MGAM: variants seen among roughly 807,000 people sequenced by gnomAD.
MGAM encodes the protein maltase-glucoamylase.
A neutral mutation model predicts 358.8 loss-of-function variants in MGAM; 253 were observed. The observed-to-expected ratio is 0.71, with a 90% confidence interval of 0.64 to 0.78. The LOEUF is 0.78. MGAM is among the 30% of genes least tolerant of loss of function. The pLI is 0.00. For synonymous variants in MGAM, 1,105 were observed against 1,227.1 expected, an observed-to-expected ratio of 0.90 and a Z score of 2.08; for missense variants, 3,080 against 3,432.6, an observed-to-expected ratio of 0.90 and a Z score of 2.57.
Position 142,060,324 on chromosome 7 carries a change from T to G in MGAM, c.4073T>G (p.Phe1358Cys). The G allele has an allele frequency of 6.2e-7, 1 of 1,614,064 alleles. No individual in the cohort carries two copies. Among genetic ancestry groups the G allele is most frequent in the Non-Finnish European group, 8.5e-7 (1 of 1,179,874 alleles). ...DIVWGKVWPDFPDVVVNGSLD... is the reference protein window; with the variant it reads ...DIVWGKVWPDCPDVVVNGSLD... The stretch of plus-strand genomic sequence containing the variant: ...TTCTCTCCATAGGTCTGGCCTGATT[T>G]TCCTGATGTTGTTGTGAATGGGTCT... Residue 1358 changes from phenylalanine to cysteine, a missense_variant, in exon 34 of 71, where the codon TTT becomes TGT. This residue lies in a region of MGAM where 1,816 missense variants were observed against 1,840.5 expected (regional missense o/e 0.99). Coordinates refer to ENST00000475668, the MANE Select transcript of MGAM (RefSeq NM_001365693.1).
In MGAM at chr7:142,081,977, G is replaced by A; in HGVS notation, c.6003-65G>A. The A allele has an allele frequency of 1.4e-6, 2 of 1,467,692 alleles. 1 individual carries two copies. The highest frequency in any genetic ancestry group is 1.9e-6 in the Non-Finnish European group (2 of 1,057,204). 90.9% of individuals were successfully genotyped at this position (1,467,692 alleles called of 1,614,324 possible). A position where few individuals can be genotyped will look rare whatever the true frequency, so the allele number is the denominator to read the frequency against. ...TCAAGTGTTCTGTTGTCCTTGAAAA[G>A]TCAGCTGCTGGAAGCAGAGAGAAAA... On this transcript the variant is annotated intron_variant, in intron 50 of 70. Transcript: ENST00000475668.
intron 34 of MGAM, 46 bp downstream of exon 34, chr7:142,060,419 A>C: frequency 6.3e-7 from 1 of 1,597,420 alleles, no homozygotes; most frequent in African/African-American, 1.3e-5. Context: ...GTTTGTAGGC[A>C]GGGGCAGCTG....
chr7:142,100,924 G>A, intron 68 of MGAM, 34 bp downstream of exon 68: 1 of 1,572,744 alleles, frequency 6.4e-7, no homozygotes, highest in Non-Finnish European at 8.7e-7. Flanking sequence ...CATGCTGATG[G>A]CACTGACTAC....
intron 57 of MGAM, among the ~76,000 whole-genome samples, 180 bp from the exon 58 acceptor site, chr7:142,091,733 G>A (rs896191331): frequency 6.8e-6 from 1 of 146,176 alleles, no homozygotes; most frequent in Non-Finnish European, 1.5e-5. Flanking sequence ...TGTGCAAATT[G>A]CACTAATTTC....
rs2129043727 is a variant in MGAM, at chr7:142,065,452, G to A, written c.4602G>A (p.Leu1534=). The change falls in exon 38 of 71, where the codon CTG becomes CTA. Residue 1534 remains leucine, a synonymous_variant. Coordinates refer to ENST00000475668, the MANE Select transcript of MGAM (RefSeq NM_001365693.1). ...ACAACACGGCCGCATGGGATCAGCT[G>A]AAGAAGTCTATCATTGGTGCGTGGG... The part of the protein sequence containing the change: ...LGDNTAAWDQ[L]KKSIIGMMEF... The A allele has an allele frequency of 6.2e-7, 1 of 1,611,140 alleles. No individual in the cohort carries two copies. The highest frequency in any genetic ancestry group is 8.5e-7 in the Non-Finnish European group (1 of 1,178,644).
chr7:142,097,379 G>C (rs745413167), intron 65 of MGAM, among the ~76,000 whole-genome samples: 28 of 151,882 alleles, frequency 1.8e-4, no homozygotes, highest in Non-Finnish European at 3.5e-4. Context: ...GGGTACCAAA[G>C]TGCTTTATGA....
In MGAM at chr7:142,078,240, A is replaced by G. The variant is rs1243160329; in HGVS notation, c.5494-78A>G. 7 of 1,135,728 alleles carry G rather than the reference A, an allele frequency of 6.2e-6. 1 individual carries two copies. The highest frequency in any genetic ancestry group is 7.2e-6 in the Non-Finnish European group (6 of 833,132). The allele number at this position is 1,135,728 out of a possible 1,614,324, so 70.4% of individuals were successfully genotyped here. ...ATGTCTATTTGTTTTTCCAAAATAA[A>G]TAAATAAATAAAGTCTTAGATTTTG... On this transcript the variant is annotated intron_variant, in intron 47 of 70. Transcript: ENST00000475668.
At chr7:142,028,209 T>A (rs923327734) in intron 10 of MGAM, among the ~76,000 whole-genome samples, 7 of 152,182 alleles carry the variant, frequency 4.6e-5, no homozygotes, top group Non-Finnish European at 1.0e-4. Flanking sequence ...AAAAGTTGTA[T>A]CATATTTTCA....
chr7:142,083,155 T>G (rs1814468461), intron 52 of MGAM, 146 bp from the exon 53 acceptor site: 1 of 623,552 alleles, frequency 1.6e-6, no homozygotes, highest in Non-Finnish European at 2.6e-6. Flanking sequence ...CTGAACTTCT[T>G]CAGTTCTATG....
intron 54 of MGAM, among the ~76,000 whole-genome samples, chr7:142,085,086 T>A (rs1814635134): frequency 1.4e-5 from 2 of 146,574 alleles, no homozygotes; most frequent in African/African-American, 4.9e-5. Flanking sequence ...TAGCACAGTG[T>A]CCCATGAGCT....
Position 142,036,228 on chromosome 7 carries a change from G to A in MGAM, c.2019G>A (p.Trp673Ter), listed in dbSNP as rs2129007909. The A allele has an allele frequency of 6.2e-7, 1 of 1,612,302 alleles. No homozygotes were observed. Among genetic ancestry groups the A allele is most frequent in the Non-Finnish European group, 8.5e-7 (1 of 1,179,286 alleles). Reference protein sequence around the residue: ...LDTPEELCRRWMQLGAFYPFS... With the variant: ...LDTPEELCRR ...CCCCTGAGGAGCTCTGTAGGCGGTGGATGCAGTTGGGTGCATTTTATCCGT... is the reference window on the plus strand; with the variant it reads ...CCCCTGAGGAGCTCTGTAGGCGGTGAATGCAGTTGGGTGCATTTTATCCGT... Residue 673 changes from tryptophan to a stop codon, truncating the protein, a stop_gained, in exon 17 of 71, where the codon TGG becomes TGA. Coordinates refer to ENST00000475668, the MANE Select transcript of MGAM (RefSeq NM_001365693.1). LOFTEE classifies it high-confidence loss of function.
At chr7:142,057,756 G>A (rs1811702826) in intron 30 of MGAM, among the ~76,000 whole-genome samples, 1 of 152,124 alleles carries the variant, frequency 6.6e-6, no homozygotes, top group Non-Finnish European at 1.5e-5. Context: ...CTTGCTGCAT[G>A]TTAGAGCATT....
intron 63 of MGAM, 133 bp downstream of exon 63, chr7:142,094,996 A>G (rs1289735785): frequency 5.7e-6 from 5 of 872,660 alleles, no homozygotes; most frequent in East Asian, 5.3e-5. Context: ...ACAAAGACTC[A>G]TTCTATTGCC....
chr7:142,088,491 C>G (rs1208736825), intron 57 of MGAM, among the ~76,000 whole-genome samples: 1 of 132,146 alleles, frequency 7.6e-6, no homozygotes, highest in African/African-American at 3.1e-5. Flanking sequence ...CTATCTCAGT[C>G]TATCATATCT....
At chr7:142,010,710 T>C (rs1282729887) in intron 3 of MGAM, among the ~76,000 whole-genome samples, 2 of 152,110 alleles carry the variant, frequency 1.3e-5, no homozygotes, top group Admixed American at 1.3e-4. Context: ...TCAGTACATA[T>C]AGTGGTTTAT....
chr7:142,059,370 A>G, intron 31 of MGAM, 102 bp from the exon 32 acceptor site: 1 of 1,509,786 alleles, frequency 6.6e-7, no homozygotes, highest in Non-Finnish European at 8.9e-7. Flanking sequence ...TGCATCAACA[A>G]GAAGCTGTCT....
Position 142,057,598 on chromosome 7 carries a change from A to AATG in MGAM, c.3694-604_3694-602dup, listed in dbSNP as rs1230043127. Among the ~76,000 whole-genome samples the AATG allele has an allele frequency of 3.9e-5, 5 of 128,304 alleles. No individual in the cohort carries two copies. The South Asian group carries it at 1.4e-3, about 36-fold the overall frequency. 84.2% of individuals were successfully genotyped at this position (128,304 alleles called of 152,430 possible). On this transcript the variant is annotated intron_variant, in intron 30 of 70. Coordinates refer to ENST00000475668, the MANE Select transcript of MGAM (RefSeq NM_001365693.1). ...GGTAGTGAAGGGTAATGATAATGGT[A>AATG]ATGGTGGTGGGGGCACGATCGTGGT...
chr7:142,005,352 C>A (rs1554451985), intron 1 of MGAM, among the ~76,000 whole-genome samples, 177 bp from the exon 2 acceptor site: 1 of 151,850 alleles, frequency 6.6e-6, no homozygotes, highest in Non-Finnish European at 1.5e-5. Flanking sequence ...GAAAAGTGGA[C>A]CAGAATAAGG....
Position 142,072,844 on chromosome 7 carries a change from T to C in MGAM, c.5187-1241T>C, listed in dbSNP as rs570209713. Among the ~76,000 whole-genome samples, 8 of 146,612 alleles carry C rather than the reference T, an allele frequency of 5.5e-5. 1 individual carries two copies. The South Asian group carries it at 8.7e-4, about 16-fold the overall frequency. On this transcript the variant is annotated intron_variant, in intron 44 of 70. Coordinates refer to ENST00000475668, the MANE Select transcript of MGAM (RefSeq NM_001365693.1). ...CTGTACCTTGGATTACTAGGCTTAA[T>C]AGCCCAATTTTAACCTTGCTGTGGG...
Sources: allele counts gnomAD v4.1 joint callset (sites outside exome capture counted in the v4.1 genomes callset), GRCh38; gene constraint gnomAD v4.1.1; regional missense constraint gnomAD v4.1.1; transcripts MANE v1.5; gene names NCBI Gene and HGNC (gene_info 2026-07-23, HGNC 2026-07-21).